The following CLYBL variants were observed in gnomAD, a reference collection of about 807,000 sequenced individuals.
CLYBL encodes citramalyl-CoA lyase.
CLYBL carries 31 observed loss-of-function variants against 38.9 expected under a neutral mutation model. The ratio of observed to expected loss-of-function variants is 0.80; its 90% CI spans 0.60 to 1.08. CLYBL has a LOEUF of 1.08. Ranked by LOEUF, CLYBL falls within the 50% of genes least tolerant of loss-of-function variation. The pLI, the probability that CLYBL is intolerant of heterozygous loss-of-function variation, is 0.00. For missense variants in CLYBL, 434 were observed against 411.6 expected (o/e 1.05, Z -0.47); for synonymous variants, 171 against 158.6 (o/e 1.08, Z -0.59).
At chr13:99,794,375 G>A (rs931898026) in intron 2 of CLYBL, among the ~76,000 whole-genome samples, 6 of 151,982 alleles carry the variant, frequency 3.9e-5, no homozygotes, top group Admixed American at 1.3e-4. Context: ...AGCCAAGATT[G>A]CACCACTGCA....
chr13:99,897,362 T>C (rs1450556162), downstream of CLYBL, among the ~76,000 whole-genome samples: 3 of 152,186 alleles, frequency 2.0e-5, no homozygotes, highest in African/African-American at 7.2e-5. Flanking sequence ...ACTGGAAACC[T>C]GTCCTCAAGA....
chr13:99,699,532 A>C (rs994919193), intron 1 of CLYBL, among the ~76,000 whole-genome samples: 2 of 150,704 alleles, frequency 1.3e-5, no homozygotes, highest in East Asian at 3.9e-4. Context: ...TCTTTACGAA[A>C]AATACCAAAA....
intron 1 of CLYBL, among the ~76,000 whole-genome samples, chr13:99,696,129 T>C (rs2047975670): frequency 6.6e-6 from 1 of 152,200 alleles, no homozygotes; most frequent in Non-Finnish European, 1.5e-5. Flanking sequence ...CAAGCTCTCC[T>C]CTGGCAAGTC....
chr13:99,868,842 C>G (rs556730517), intron 6 of CLYBL, among the ~76,000 whole-genome samples: 1 of 152,144 alleles, frequency 6.6e-6, no homozygotes, highest in African/African-American at 2.4e-5. Context: ...AAATATGAAG[C>G]ACTATAGGTT....
chr13:99,774,569 C>G (rs1291157123), intron 2 of CLYBL, among the ~76,000 whole-genome samples: 1 of 152,072 alleles, frequency 6.6e-6, no homozygotes, highest in Non-Finnish European at 1.5e-5. Context: ...AAGTTTCTTG[C>G]GCCAGGTGAC....
At chr13:99,618,039 T>A (rs902890798) in intron 1 of CLYBL, among the ~76,000 whole-genome samples, 1 of 152,204 alleles carries the variant, frequency 6.6e-6, no homozygotes, top group African/African-American at 2.4e-5. Context: ...TGCTTATTTG[T>A]TTATTGTCCG....
intron 1 of CLYBL, among the ~76,000 whole-genome samples, chr13:99,689,446 G>T (rs916169555): frequency 2.0e-5 from 3 of 152,190 alleles, no homozygotes; most frequent in Non-Finnish European, 4.4e-5. Context: ...AAATTACTTA[G>T]TGCAGGTATG....
chr13:99,741,157 A>G (rs1303751914), intron 1 of CLYBL, among the ~76,000 whole-genome samples: 1 of 152,206 alleles, frequency 6.6e-6, no homozygotes, highest in Non-Finnish European at 1.5e-5. Flanking sequence ...GTACTTACAG[A>G]TAGGAATCTT....
chr13:99,716,309 A>G (rs1229699049), intron 1 of CLYBL, among the ~76,000 whole-genome samples: 1 of 147,242 alleles, frequency 6.8e-6, no homozygotes, highest in Non-Finnish European at 1.5e-5. Context: ...CATGCCCGGC[A>G]GACGTCATTT....
At chr13:99,690,420 C>G (rs1464155690) in intron 1 of CLYBL, 1 of 152,092 alleles carries the variant, frequency 6.6e-6, no homozygotes, top group Non-Finnish European at 1.5e-5. Flanking sequence ...CCTGTGCCCC[C>G]CAAACCCAAT....
intron 1 of CLYBL, among the ~76,000 whole-genome samples, chr13:99,770,708 T>C (rs550539368): frequency 6.6e-6 from 1 of 152,134 alleles, no homozygotes; most frequent in East Asian, 1.9e-4. Context: ...CCGGCCGGGT[T>C]TTAACTTTTC....
intron 1 of CLYBL, among the ~76,000 whole-genome samples, chr13:99,610,987 G>A (rs1347002986): frequency 1.3e-5 from 2 of 152,208 alleles, no homozygotes; most frequent in African/African-American, 4.8e-5. Context: ...TACAAGTAGG[G>A]TCTTCCAAGG....
chr13:99,818,068 G>A (rs2050496762), intron 2 of CLYBL, among the ~76,000 whole-genome samples: 1 of 151,792 alleles, frequency 6.6e-6, no homozygotes, highest in South Asian at 2.1e-4. Flanking sequence ...GAAGAAGTGA[G>A]GGAAGGAGGA....
At chr13:99,681,102 C>G (rs7996352) in intron 1 of CLYBL, among the ~76,000 whole-genome samples, 52,141 of 152,102 alleles carry the variant, frequency 0.34, 9,409 homozygotes, top group East Asian at 0.59. Flanking sequence ...AGTGCTGTAA[C>G]TTACTTCATC....
At chr13:99,785,241 C>T (rs899168861) in intron 2 of CLYBL, among the ~76,000 whole-genome samples, 1 of 105,136 alleles carries the variant, frequency 9.5e-6, no homozygotes. Context: ...CAGGGTCTTG[C>T]TATGTCACCC....
chr13:99,634,328 A>G (rs1447077745), intron 1 of CLYBL, among the ~76,000 whole-genome samples: 3 of 152,210 alleles, frequency 2.0e-5, no homozygotes, highest in African/African-American at 7.2e-5. Flanking sequence ...GTTGCAAAGA[A>G]TCTGACTATG....
intron 1 of CLYBL, among the ~76,000 whole-genome samples, chr13:99,761,738 C>T (rs2049170088): frequency 6.6e-6 from 1 of 152,140 alleles, no homozygotes; most frequent in South Asian, 2.1e-4. Flanking sequence ...CTTTGAGGAA[C>T]CTCAATACTG....
chr13:99,795,984 G>A (rs574141210), intron 2 of CLYBL, among the ~76,000 whole-genome samples: 1 of 152,206 alleles, frequency 6.6e-6, no homozygotes. Flanking sequence ...CTTTCCTAGA[G>A]CTGTGGATGG....
chr13:99,661,234 C>T (rs1270068793), intron 1 of CLYBL, among the ~76,000 whole-genome samples: 1 of 151,696 alleles, frequency 6.6e-6, no homozygotes, highest in Non-Finnish European at 1.5e-5. Context: ...TAAAGCAAAG[C>T]AAAGTAAAAG....
Sources: gnomAD v4.1 joint callset for allele counts (sites outside exome capture counted in the v4.1 genomes callset) on GRCh38, gnomAD v4.1.1 for gene constraint, MANE v1.5 for transcripts, NCBI Gene and HGNC (gene_info 2026-07-23, HGNC 2026-07-21) for gene names.